The following ETHE1 variants were observed in gnomAD, a reference collection of about 807,000 sequenced individuals.
ETHE1 encodes the protein ETHE1 persulfide dioxygenase.
ETHE1 carries 16 observed loss-of-function variants against 25.7 expected under a neutral mutation model. The observed-to-expected ratio is 0.62, with a 90% CI of 0.42 to 0.95. The LOEUF (loss-of-function observed/expected upper bound fraction) is 0.95. Ranked by LOEUF, ETHE1 falls within the 40% of genes least tolerant of loss-of-function variation. The pLI is 0.00. For synonymous variants in ETHE1, 139 were observed against 135.9 expected (o/e 1.02, Z -0.16); for missense variants, 300 against 333.6 (o/e 0.90, Z 0.79).
At chr19:43,521,751 C>T (rs533458411) in intron 3 of ETHE1, among the ~76,000 whole-genome samples, 8 of 151,844 alleles carry the variant, frequency 5.3e-5, no homozygotes, top group African/African-American at 1.9e-4. Flanking sequence ...GTAAGATGAA[C>T]AACCAGTTCA....
intron 3 of ETHE1, among the ~76,000 whole-genome samples, chr19:43,515,600 A>G (rs1489550273): frequency 6.6e-6 from 1 of 151,138 alleles, no homozygotes; most frequent in Non-Finnish European, 1.5e-5. Flanking sequence ...TTTTGGACGG[A>G]GTCTGGCTCT....
chr19:43,523,375 A>G (rs1305353196), intron 3 of ETHE1, among the ~76,000 whole-genome samples: 3 of 151,966 alleles, frequency 2.0e-5, no homozygotes, highest in Non-Finnish European at 2.9e-5. Context: ...GATTCAAGCA[A>G]TTCTCCTCCT....
At chr19:43,524,750 GCTATGATCCCAC>G (rs777994695) in intron 3 of ETHE1, among the ~76,000 whole-genome samples, 1 of 151,474 alleles carries the variant, frequency 6.6e-6, no homozygotes, top group Non-Finnish European at 1.5e-5. Context: ...GCTGCAGTAA[GCTATGATCCCAC>G]CATTGCACTC....
intron 3 of ETHE1, among the ~76,000 whole-genome samples, chr19:43,523,102 A>C (rs1274470228): frequency 1.3e-5 from 2 of 152,204 alleles, no homozygotes; most frequent in Non-Finnish European, 2.9e-5. Context: ...CTGTGGTTAA[A>C]TGCATCAGAA....
At chr19:43,509,485 C>T (rs373816027) in intron 4 of ETHE1, among the ~76,000 whole-genome samples, 3 of 108,552 alleles carry the variant, frequency 2.8e-5, no homozygotes, top group African/African-American at 3.7e-5. Flanking sequence ...AGATAGAGCG[C>T]GGCTCTGTCT....
intron 4 of ETHE1, among the ~76,000 whole-genome samples, chr19:43,510,202 G>A (rs1225826070): frequency 2.0e-5 from 3 of 152,088 alleles, no homozygotes; most frequent in African/African-American, 4.8e-5. Context: ...GCCCAACCCT[G>A]AGATTCTGAA....
At chr19:43,513,339 G>A (rs2145988594) in intron 3 of ETHE1, among the ~76,000 whole-genome samples, 1 of 152,102 alleles carries the variant, frequency 6.6e-6, no homozygotes, top group Non-Finnish European at 1.5e-5. Context: ...CCGAGAGCTT[G>A]CACCATGTGC....
intron 3 of ETHE1, among the ~76,000 whole-genome samples, chr19:43,513,466 C>G (rs981418135): frequency 2.0e-5 from 3 of 152,346 alleles, no homozygotes; most frequent in Admixed American, 6.5e-5. Flanking sequence ...CCTCTTGCAT[C>G]AGCATGACCT....
intron 3 of ETHE1, among the ~76,000 whole-genome samples, chr19:43,514,400 A>G (rs1234578095): frequency 2.0e-5 from 3 of 151,048 alleles, no homozygotes; most frequent in Non-Finnish European, 4.4e-5. Context: ...GCCTTCCACC[A>G]TGATTGGGAG....
intron 3 of ETHE1, among the ~76,000 whole-genome samples, chr19:43,512,258 C>G (rs906996860): frequency 2.6e-5 from 4 of 152,106 alleles, no homozygotes; most frequent in Admixed American, 1.3e-4. Context: ...AACTGGGTAA[C>G]AAGCAGAGGT....
intron 3 of ETHE1, among the ~76,000 whole-genome samples, chr19:43,523,569 A>C (rs1413826592): frequency 1.3e-5 from 2 of 151,906 alleles, no homozygotes; most frequent in Non-Finnish European, 2.9e-5. Context: ...GAGCCACCAC[A>C]CCCAGGCTAA....
Position 43,521,530 on chromosome 19 carries a change from C to T in ETHE1, c.375+4671G>A, listed in dbSNP as rs373804975. Among the ~76,000 whole-genome samples, 271 of 152,054 alleles carry T rather than the reference C, an allele frequency of 1.8e-3. 1 individual carries two copies. In the South Asian group the frequency reaches 0.04, roughly 23 times the overall value. On this transcript the variant is annotated intron_variant, in intron 3 of 6. Transcript: ENST00000292147. ...GAAGGCAGCCAGCTAATCCTTGAAA[C>T]AGCCTCAAGAGGAAGGTGCTGTGAT...
chr19:43,506,970 A>T, intron 6 of ETHE1, 68 bp from the exon 7 acceptor site: 1 of 1,525,764 alleles, frequency 6.6e-7, no homozygotes, highest in East Asian at 2.3e-5. Context: ...CTGGAGACCC[A>T]GAAATCCTAG....
At chr19:43,523,700 T>C (rs1972181605) in intron 3 of ETHE1, among the ~76,000 whole-genome samples, 1 of 151,198 alleles carries the variant, frequency 6.6e-6, no homozygotes, top group Non-Finnish European at 1.5e-5. Context: ...TTTGGGGAGG[T>C]CAAGGTGTGC....
chr19:43,509,699 G>A (rs1442620609), intron 4 of ETHE1, among the ~76,000 whole-genome samples: 1 of 152,040 alleles, frequency 6.6e-6, no homozygotes, highest in Non-Finnish European at 1.5e-5. Context: ...GGGAGGCTGA[G>A]GCAGGAGAAT....
intron 3 of ETHE1, among the ~76,000 whole-genome samples, chr19:43,517,013 G>A (rs987898184): frequency 6.6e-6 from 1 of 150,746 alleles, no homozygotes; most frequent in Non-Finnish European, 1.5e-5. Flanking sequence ...CAGTAAAGAT[G>A]GGCTCTCACT....
rs1971831880 is a variant in ETHE1, at chr19:43,508,078, G to A, written c.596-18C>T. ...TGTGAACCCTAGGGGCCAAGGGAGG[G>A]GAAGGAAAGTCAAGGAGTCTAGTGC... On this transcript the variant is annotated intron_variant, in intron 5 of 6. Transcript: ENST00000292147. 10 of 1,612,888 alleles carry A rather than the reference G, an allele frequency of 6.2e-6. No homozygotes were observed. Among genetic ancestry groups the A allele is most frequent in the Non-Finnish European group, 8.5e-6 (10 of 1,179,822 alleles).
chr19:43,519,643 G>A, intron 3 of ETHE1, among the ~76,000 whole-genome samples: 1 of 152,224 alleles, frequency 6.6e-6, no homozygotes, highest in Middle Eastern at 3.4e-3. Flanking sequence ...CAGCTTGCTG[G>A]CCTTGGAGTT....
chr19:43,526,073 G>T, intron 3 of ETHE1, 128 bp downstream of exon 3: 1 of 1,418,354 alleles, frequency 7.1e-7, no homozygotes, highest in Non-Finnish European at 9.8e-7. Context: ...TGAGCTCAGG[G>T]GTCAGAAACC....
Sources: gnomAD v4.1 joint callset for allele counts (sites outside exome capture counted in the v4.1 genomes callset) on GRCh38, gnomAD v4.1.1 for gene constraint, MANE v1.5 for transcripts, NCBI Gene and HGNC (gene_info 2026-07-23, HGNC 2026-07-21) for gene names.